MINDY1: variants seen among roughly 807,000 people sequenced by gnomAD.
The protein encoded by MINDY1 is ubiquitin carboxyl-terminal hydrolase MINDY-1.
MINDY1 carries 50 observed loss-of-function variants against 53.6 expected under a neutral mutation model. The observed-to-expected ratio is 0.93, with a 90% CI of 0.74 to 1.18. The LOEUF is 1.18. Among genes scored for constraint, MINDY1 ranks in the 50% most tolerant of loss-of-function variants. MINDY1 has a pLI of 0.00. For missense variants in MINDY1, 484 were observed against 578.6 expected (o/e 0.84, Z 1.68); for synonymous variants, 231 against 234.7 (o/e 0.98, Z 0.14).
chr1:151,000,708 T>C, intron 4 of MINDY1, 93 bp from the exon 5 acceptor site: 1 of 1,386,380 alleles, frequency 7.2e-7, no homozygotes, highest in Non-Finnish European at 9.8e-7. Flanking sequence ...CTTGCTGCTC[T>C]TCTTCCCTGA....
Position 150,999,902 on chromosome 1 carries a change from G to T in MINDY1, c.798C>A (p.Ile266=). 1 of 1,614,064 alleles carries T rather than the reference G, an allele frequency of 6.2e-7. No homozygotes were observed. Among genetic ancestry groups the T allele is most frequent in the Non-Finnish European group, 8.5e-7 (1 of 1,180,022 alleles). ...TGGTGTCACTGGAGTGTTTGCAGGT[G>T]ATGATCCTCTCCACCAGCTGGTTGT... The part of the protein sequence containing the change: ...LSYNQLVERI[I]TCKHSSDTNL... Residue 266 remains isoleucine (I), a synonymous_variant, in exon 6 of 10, where the codon ATC becomes ATA. Transcript: ENST00000683666. The surrounding 1 kb of genome is among the most constrained non-coding windows in gnomAD (Gnocchi z 4.4).
chr1:151,006,335 A>G lies in MINDY1; in HGVS notation c.-113T>C. 1 of 1,412,384 alleles carries G rather than the reference A, an allele frequency of 7.1e-7. No homozygotes were observed. Among genetic ancestry groups the G allele is most frequent in the Non-Finnish European group, 9.2e-7 (1 of 1,084,222 alleles). 87.5% of individuals were successfully genotyped at this position (1,412,384 alleles called of 1,614,324 possible). On this transcript the variant is annotated 5_prime_UTR_variant, in exon 1 of 10. Coordinates refer to ENST00000683666, the MANE Select transcript of MINDY1 (RefSeq NM_001376665.1). Reference sequence around the variant, plus strand: ...ACCTTAAAGAAGGGGGTGCTGTTCCAAGATTGAGAAGGAGGGTTCAGCCGT... The same window carrying G: ...ACCTTAAAGAAGGGGGTGCTGTTCCGAGATTGAGAAGGAGGGTTCAGCCGT...
chr1:151,005,583 C>T (rs1673099791), intron 1 of MINDY1, among the ~76,000 whole-genome samples: 2 of 151,900 alleles, frequency 1.3e-5, no homozygotes, highest in South Asian at 4.1e-4. Flanking sequence ...AGAGGTGAGC[C>T]AAAGGAACCC....
chr1:150,998,017 G>A, intron 8 of MINDY1, 65 bp downstream of exon 8: 4 of 1,496,672 alleles, frequency 2.7e-6, no homozygotes, highest in Non-Finnish European at 3.6e-6. Context: ...CAGTTAAAAT[G>A]TATGCAGTAA....
At position 151,006,587 on chromosome 1, in the gene MINDY1, G is replaced by C; in HGVS notation, c.-365C>G. On this transcript the variant is annotated 5_prime_UTR_variant, in exon 1 of 10. The change creates a new upstream start codon in the 5' untranslated region. Transcript: ENST00000683666. ...TCCAGGTCGCTCAGAGAGTCTTCAG[G>C]ATTCCTGAGTCGCCGAGTCTATGGC... 1.0e-6 allele frequency: 1 copy of C among 991,914 alleles called. No homozygotes were observed. The highest frequency in any genetic ancestry group is 1.2e-6 in the Non-Finnish European group (1 of 834,370). The allele number at this position is 991,914 out of a possible 1,614,324, so 61.4% of individuals were successfully genotyped here.
chr1:151,008,163 T>C (rs762808112), upstream of MINDY1: 2 of 839,580 alleles, frequency 2.4e-6, no homozygotes, highest in Non-Finnish European at 2.9e-6. Flanking sequence ...AGATGCTCGG[T>C]GTGATATATG....
chr1:151,001,676 T>C (rs1299250172), intron 3 of MINDY1, 49 bp downstream of exon 3: 5 of 1,600,430 alleles, frequency 3.1e-6, no homozygotes, highest in Non-Finnish European at 2.6e-6. Flanking sequence ...GCTGAGTGGA[T>C]AGCTCTGGAG....
chr1:151,001,151 A>C, intron 4 of MINDY1, 99 bp downstream of exon 4: 2 of 1,256,882 alleles, frequency 1.6e-6, no homozygotes, highest in Non-Finnish European at 2.3e-6. Flanking sequence ...ATCATGGTTC[A>C]AGGAAACCTC....
In MINDY1 at chr1:151,001,718, C is replaced by A. The variant is rs1436005281; in HGVS notation, c.511+7G>T. ...GGGTAATTCCTCTTCAACGCCCAGT[C>A]ACTCACCAAGATGGGCCATGAGCTC... is the stretch of plus-strand genomic sequence containing the variant. On this transcript the variant is annotated splice_region_variant and intron_variant, in intron 3 of 9. Transcript: ENST00000683666. 26 of 1,610,166 alleles carry A rather than the reference C, an allele frequency of 1.6e-5. No homozygotes were observed. The highest frequency in any genetic ancestry group is 2.1e-5 in the Non-Finnish European group (25 of 1,178,950).
chr1:151,002,464 G>A lies in MINDY1; in HGVS notation c.154C>T (p.Pro52Ser). 6.2e-7 allele frequency: 1 copy of A among 1,614,168 alleles called. No individual in the cohort carries two copies. Among genetic ancestry groups the A allele is most frequent in the Non-Finnish European group, 8.5e-7 (1 of 1,180,030 alleles). ...DADGEARERE[P>S]ADQALLPSQC... ...CTAGGCAGCAAAGCTTGGTCTGCTG[G>A]CTCCCGTTCTCTAGCCTCCCCATCA... The change falls in exon 2 of 10, where the codon CCA becomes TCA. Residue 52 changes from proline (P) to serine (S), a missense_variant. Pro to Ser is a moderately conservative substitution (Grantham distance 74). Transcript: ENST00000683666. This position sits in a 1 kb window ranked among gnomAD's most constrained non-coding sequence, Gnocchi z 4.1.
rs772928955 is a variant in MINDY1 at position 151,000,544 on chromosome 1, G to A, written c.648C>T (p.Gly216=). 1.2e-5 allele frequency: 19 copies of A among 1,613,968 alleles called. No homozygotes were observed. Among genetic ancestry groups the A allele is most frequent in the African/African-American group, 4.0e-5 (3 of 74,904 alleles). The change falls in exon 5 of 10, where the codon GGC becomes GGT. Residue 216 remains glycine, a synonymous_variant. Transcript: ENST00000683666. ...TGLDVNVRFT[G]VSDFEYTPEC... is the part of the protein sequence containing the mutation. ...CGGGTGTATACTCAAAATCAGAGACGCCTGTGAATCGCACATTGACATCCA... is the reference window on the plus strand; with the variant it reads ...CGGGTGTATACTCAAAATCAGAGACACCTGTGAATCGCACATTGACATCCA...
At position 151,001,244 on chromosome 1, in the gene MINDY1, C is replaced by A. The variant is rs1418214762; in HGVS notation, c.576+6G>T. 2.0e-5 allele frequency: 32 copies of A among 1,614,162 alleles called. No individual in the cohort carries two copies. Among genetic ancestry groups the A allele is most frequent in the Non-Finnish European group, 2.7e-5 (32 of 1,180,024 alleles). Reference sequence around the variant, plus strand: ...AACCCCTATGCCTGCAGACCTTTTGCCTCACCTGCTGAAAATTAAGCTGAA... The same window carrying A: ...AACCCCTATGCCTGCAGACCTTTTGACTCACCTGCTGAAAATTAAGCTGAA... On this transcript the variant is annotated splice_donor_region_variant and intron_variant, in intron 4 of 9. Coordinates refer to ENST00000683666, the MANE Select transcript of MINDY1 (RefSeq NM_001376665.1).
At position 151,001,747 on chromosome 1, in the gene MINDY1, C is replaced by A. The variant is rs199642379; in HGVS notation, c.489G>T (p.Ser163=). 2 of 1,606,886 alleles carry A rather than the reference C, an allele frequency of 1.2e-6. No homozygotes were observed. Among genetic ancestry groups the A allele is most frequent in the East Asian group, 2.3e-5 (1 of 44,264 alleles). Reference sequence around the variant, plus strand: ...CACCAAGATGGGCCATGAGCTCATCCGATGTGATCACTTCCTTCTGCGGGG... The same window carrying A: ...CACCAAGATGGGCCATGAGCTCATCAGATGTGATCACTTCCTTCTGCGGGG... The part of the protein sequence containing the change: ...KLPPQKEVIT[S]DELMAHLGNC... The change falls in exon 3 of 10, where the codon TCG becomes TCT. Residue 163 remains serine, a synonymous_variant. Transcript: ENST00000683666.
At position 150,999,326 on chromosome 1, in the gene MINDY1, G is replaced by A. The variant is rs1672255447; in HGVS notation, c.981+43C>T. ...TGGACCCACGAGAAAAAGGCACCAG[G>A]AAATGACAGCACCGCAGCACGCCAC... On this transcript the variant is annotated intron_variant, in intron 7 of 9. Coordinates refer to ENST00000683666, the MANE Select transcript of MINDY1 (RefSeq NM_001376665.1). This position sits in a 1 kb window ranked among gnomAD's most constrained non-coding sequence, Gnocchi z 4.4. The A allele has an allele frequency of 1.9e-6, 3 of 1,609,864 alleles. No individual in the cohort carries two copies. The highest frequency in any genetic ancestry group is 2.5e-6 in the Non-Finnish European group (3 of 1,176,938).
chr1:150,998,361 T>A, intron 7 of MINDY1, 88 bp from the exon 8 acceptor site: 32 of 1,203,254 alleles, frequency 2.7e-5, no homozygotes, highest in Non-Finnish European at 3.4e-5. Context: ...CATGTGGACT[T>A]TTTTTTTCTT....
At position 150,998,127 on chromosome 1, in the gene MINDY1, T is replaced by C; in HGVS notation, c.1128A>G (p.Ala376=). The change falls in exon 8 of 10, where the codon GCA becomes GCG. Residue 376 remains alanine (A), a synonymous_variant. Coordinates refer to ENST00000683666, the MANE Select transcript of MINDY1 (RefSeq NM_001376665.1). ...LSHSLGKGPG[A]EGGSGSPETQ... ...TTTCTGGGGAGCCACTCCCACCTTCTGCTCCAGGCCCCTTGCCCAGGGAAT... is the reference window on the plus strand; with the variant it reads ...TTTCTGGGGAGCCACTCCCACCTTCCGCTCCAGGCCCCTTGCCCAGGGAAT... 6.2e-7 allele frequency: 1 copy of C among 1,613,846 alleles called. No individual in the cohort carries two copies.
At chr1:151,003,263 T>G (rs1229341887) in intron 1 of MINDY1, among the ~76,000 whole-genome samples, 4 of 152,150 alleles carry the variant, frequency 2.6e-5, no homozygotes, top group African/African-American at 9.7e-5. Context: ...ATAAAAAGAT[T>G]AAGTCACATA....
chr1:151,007,281 G>A (rs1673329109), upstream of MINDY1, among the ~76,000 whole-genome samples: 1 of 152,132 alleles, frequency 6.6e-6, no homozygotes, highest in Non-Finnish European at 1.5e-5. Flanking sequence ...CAAGGCGGGC[G>A]GATCACAAGG....
intron 5 of MINDY1, 120 bp from the exon 6 acceptor site, chr1:151,000,084 T>A: frequency 2.0e-5 from 4 of 203,110 alleles, no homozygotes; most frequent in African/African-American, 4.2e-5. Context: ...TCCTAAACAC[T>A]TTTTTTTTTT....
Sources: gnomAD v4.1 joint callset for allele counts (sites outside exome capture counted in the v4.1 genomes callset) on GRCh38, gnomAD v4.1.1 for gene constraint, Gnocchi (gnomAD v3.1) non-coding constraint, MANE v1.5 for transcripts, NCBI Gene and HGNC (gene_info 2026-07-23, HGNC 2026-07-21) for gene names.